Variants in ADAP2 observed in about 807,000 individuals in gnomAD.
ADAP2 encodes the protein arf-GAP with dual PH domain-containing protein 2.
In ADAP2, 42 loss-of-function variants were observed where a neutral mutation model predicts 54.9. That is an observed-to-expected ratio of 0.77 (90% CI 0.60 to 0.99). The LOEUF (loss-of-function observed/expected upper bound fraction) is 0.99, where lower values mean the gene tolerates loss of function less well. ADAP2 is among the 50% of genes least tolerant of loss of function. The probability of loss-of-function intolerance (pLI) is 0.00; values close to 1 mark genes in which losing one functional copy is unlikely to be tolerated. For missense variants in ADAP2, 429 were observed against 480.4 expected (o/e 0.89, Z 1.00); for synonymous variants, 177 against 180.1 (o/e 0.98, Z 0.14).
At chr17:30,943,803 C>T (rs1348691910) in intron 5 of ADAP2, among the ~76,000 whole-genome samples, 3 of 151,348 alleles carry the variant, frequency 2.0e-5, no homozygotes, top group East Asian at 1.9e-4. Context: ...CCTCAGATCA[C>T]GCCATTGCAC....
chr17:30,942,039 G>C lies in ADAP2; in HGVS notation c.511-2868G>C, dbSNP rs138469919. 6.0e-3 allele frequency among the ~76,000 whole-genome samples: 906 copies of C among 152,006 alleles called. 11 individuals are homozygous for C. Among genetic ancestry groups the C allele is most frequent in the African/African-American group, 0.018 (755 of 41,450 alleles). ...TCCTTCCTCACCCTCACTAGTAGCT[G>C]GGACTACAGGTGTGTACCACCACTC... On this transcript the variant is annotated intron_variant, in intron 5 of 10. Coordinates refer to ENST00000330889, the MANE Select transcript of ADAP2 (RefSeq NM_018404.3).
At chr17:30,927,419 C>T (rs1056961674) in intron 3 of ADAP2, among the ~76,000 whole-genome samples, 9 of 151,858 alleles carry the variant, frequency 5.9e-5, no homozygotes, top group African/African-American at 2.4e-5. Context: ...CGAGACCATT[C>T]TGGCTAACAC....
At position 30,954,499 on chromosome 17, in the gene ADAP2, A is replaced by C; in HGVS notation, c.826A>C (p.Arg276=). 1 of 1,614,138 alleles carries C rather than the reference A, an allele frequency of 6.2e-7. No homozygotes were observed. Among genetic ancestry groups the C allele is most frequent in the Non-Finnish European group, 8.5e-7 (1 of 1,179,998 alleles). The change falls in exon 9 of 11, where the codon AGG becomes CGG. Residue 276 remains arginine, a synonymous_variant. Transcript: ENST00000330889. ...GCAGCAGAAAGAACCTTTCAAGAAA[A>C]GGTGGTTCGCCCTGGATTGCCATGA... ...GPKQKEPFKK[R]WFALDCHERR...
At chr17:30,929,146 A>T (rs1911298163) in intron 3 of ADAP2, among the ~76,000 whole-genome samples, 1 of 152,210 alleles carries the variant, frequency 6.6e-6, no homozygotes, top group Non-Finnish European at 1.5e-5. Context: ...ACTGTGACCT[A>T]GCTGGGAGGA....
chr17:30,923,127 G>C, intron 2 of ADAP2, 57 bp downstream of exon 2: 4 of 1,596,506 alleles, frequency 2.5e-6, no homozygotes, highest in Admixed American at 3.4e-5. Context: ...TAGAGGCAGC[G>C]GGCAGGGGGC....
chr17:30,925,047 T>A (rs1402769470), intron 2 of ADAP2, among the ~76,000 whole-genome samples: 9 of 151,820 alleles, frequency 5.9e-5, no homozygotes, highest in Non-Finnish European at 1.0e-4. Context: ...TAATTTTGTA[T>A]TTTTAGTAGA....
chr17:30,952,877 C>G (rs1256369172), intron 7 of ADAP2, among the ~76,000 whole-genome samples: 1 of 152,168 alleles, frequency 6.6e-6, no homozygotes, highest in Non-Finnish European at 1.5e-5. Context: ...CCAGCCCCTT[C>G]TCTGTGGCCT....
At chr17:30,933,548 G>A (rs1288172397) in intron 4 of ADAP2, among the ~76,000 whole-genome samples, 1 of 152,126 alleles carries the variant, frequency 6.6e-6, no homozygotes, top group African/African-American at 2.4e-5. Context: ...CACCCAGGCT[G>A]GAGTGCAGTG....
At chr17:30,953,707 T>C (rs1396168863) in intron 8 of ADAP2, among the ~76,000 whole-genome samples, 1 of 151,948 alleles carries the variant, frequency 6.6e-6, no homozygotes, top group African/African-American at 2.4e-5. Context: ...CGGCTAATTT[T>C]TGTAATTTTA....
At chr17:30,935,247 A>T (rs1307229861) in intron 5 of ADAP2, among the ~76,000 whole-genome samples, 1 of 152,176 alleles carries the variant, frequency 6.6e-6, no homozygotes, top group Non-Finnish European at 1.5e-5. Flanking sequence ...GCATGCCTGT[A>T]ATCCCAGCTA....
intron 5 of ADAP2, among the ~76,000 whole-genome samples, chr17:30,943,755 G>A: frequency 6.6e-6 from 1 of 152,022 alleles, no homozygotes; most frequent in East Asian, 1.9e-4. Context: ...GCTGAGGCAG[G>A]AGAATGGTTA....
chr17:30,953,204 T>C lies in ADAP2; in HGVS notation c.742-84T>C, dbSNP rs1400857993. 3.1e-6 allele frequency: 4 copies of C among 1,283,124 alleles called. No individual in the cohort carries two copies. In the Admixed American group the frequency reaches 5.2e-5, roughly 17 times the overall value. 79.5% of individuals were successfully genotyped at this position (1,283,124 alleles called of 1,614,324 possible). A position where few individuals can be genotyped will look rare whatever the true frequency, so the allele number is the denominator to read the frequency against. On this transcript the variant is annotated intron_variant, in intron 7 of 10. Coordinates refer to ENST00000330889, the MANE Select transcript of ADAP2 (RefSeq NM_018404.3). Reference sequence around the variant, plus strand: ...CGTACATCCTTCCCCATTTCAAACTTCCCCTTTGTCGGGAGCCAAGCTCGG... The same window carrying C: ...CGTACATCCTTCCCCATTTCAAACTCCCCCTTTGTCGGGAGCCAAGCTCGG...
intron 5 of ADAP2, among the ~76,000 whole-genome samples, chr17:30,943,984 A>G (rs1912471147): frequency 2.6e-5 from 4 of 152,000 alleles, no homozygotes; most frequent in Non-Finnish European, 5.9e-5. Flanking sequence ...TGAGGTCAGG[A>G]GTTTGAGACC....
At chr17:30,953,421 A>G (rs954230325) in intron 8 of ADAP2, 71 bp downstream of exon 8, 3 of 1,494,598 alleles carry the variant, frequency 2.0e-6, no homozygotes, top group East Asian at 2.4e-5. Flanking sequence ...TGTTTATGGG[A>G]TGATTGTTAA....
At chr17:30,924,218 C>A (rs1910861467) in intron 2 of ADAP2, among the ~76,000 whole-genome samples, 1 of 151,984 alleles carries the variant, frequency 6.6e-6, no homozygotes, top group South Asian at 2.1e-4. Context: ...ACAAAAAATA[C>A]AAAAATTAGC....
At chr17:30,925,387 C>T (rs1229027427) in intron 2 of ADAP2, among the ~76,000 whole-genome samples, 2 of 151,276 alleles carry the variant, frequency 1.3e-5, no homozygotes, top group Admixed American at 1.3e-4. Flanking sequence ...GATGGGGTTT[C>T]GCCATGTTGG....
intron 4 of ADAP2, among the ~76,000 whole-genome samples, chr17:30,932,334 A>T (rs1001212943): frequency 2.0e-5 from 3 of 150,304 alleles, no homozygotes; most frequent in African/African-American, 2.5e-5. Flanking sequence ...CCGGGCTCAC[A>T]TGATCCTCCC....
At chr17:30,922,204 C>T (rs1402692134) in intron 1 of ADAP2, 96 bp downstream of exon 1, 14 of 920,586 alleles carry the variant, frequency 1.5e-5, no homozygotes, top group Non-Finnish European at 1.7e-5. Flanking sequence ...CGCCCTCGGC[C>T]CCCTGGACCC....
At chr17:30,927,614 C>CA (rs540091821) in intron 3 of ADAP2, among the ~76,000 whole-genome samples, 16,460 of 112,556 alleles carry the variant, frequency 0.15, 2,888 homozygotes, top group African/African-American at 0.43. Context: ...GACTCCGGCT[C>CA]AAAAAAAAAA....
Sources: gnomAD v4.1 joint callset for allele counts (sites outside exome capture counted in the v4.1 genomes callset) on GRCh38, gnomAD v4.1.1 for gene constraint, MANE v1.5 for transcripts, NCBI Gene and HGNC (gene_info 2026-07-23, HGNC 2026-07-21) for gene names.